The following PEBP4 variants were observed in gnomAD, a reference collection of about 807,000 sequenced individuals.
PEBP4 encodes phosphatidylethanolamine binding protein 4.
A neutral mutation model predicts 23.9 loss-of-function variants in PEBP4; 22 were observed. The ratio of observed to expected loss-of-function variants is 0.92; its 90% CI spans 0.66 to 1.31. The LOEUF (loss-of-function observed/expected upper bound fraction) is 1.31. Ranked by LOEUF, PEBP4 falls within the 40% of genes most tolerant of loss-of-function variation. The pLI, the probability that PEBP4 is intolerant of heterozygous loss-of-function variation, is 0.00. For missense variants in PEBP4, 324 were observed against 281.7 expected (o/e 1.15, Z -1.07); for synonymous variants, 112 against 99.3 (o/e 1.13, Z -0.76).
intron 4 of PEBP4, among the ~76,000 whole-genome samples, chr8:22,771,796 G>A (rs1046006434): frequency 1.3e-5 from 2 of 152,156 alleles, no homozygotes; most frequent in Non-Finnish European, 1.5e-5. Flanking sequence ...GCAATGGCCT[G>A]GCCACCCAAA....
intron 3 of PEBP4, among the ~76,000 whole-genome samples, chr8:22,844,002 C>T (rs1160782286): frequency 6.6e-6 from 1 of 152,150 alleles, no homozygotes; most frequent in Non-Finnish European, 1.5e-5. Context: ...AGCGCTGATT[C>T]AGTTGGAAAA....
intron 4 of PEBP4, among the ~76,000 whole-genome samples, chr8:22,810,899 A>AGAGC (rs1027547734): frequency 6.6e-6 from 1 of 151,538 alleles, no homozygotes; most frequent in Non-Finnish European, 1.5e-5. Flanking sequence ...AGAGAGAGAG[A>AGAGC]GAGAGAGAGA....
At chr8:22,935,326 G>C (rs1353083652) in intron 1 of PEBP4, among the ~76,000 whole-genome samples, 2 of 152,094 alleles carry the variant, frequency 1.3e-5, no homozygotes, top group Non-Finnish European at 2.9e-5. Flanking sequence ...TTCAAGACCA[G>C]CCTGGCCAAC....
At chr8:22,908,175 C>T (rs1301495076) in intron 3 of PEBP4, among the ~76,000 whole-genome samples, 3 of 151,962 alleles carry the variant, frequency 2.0e-5, no homozygotes, top group African/African-American at 7.3e-5. Context: ...ATTTGAGGGG[C>T]TTATCAGACA....
At chr8:22,811,742 G>A (rs904600920) in intron 4 of PEBP4, among the ~76,000 whole-genome samples, 6 of 152,206 alleles carry the variant, frequency 3.9e-5, no homozygotes, top group East Asian at 1.9e-4. Flanking sequence ...GCTCCAACAC[G>A]CTTTGGTTTC....
At chr8:22,899,438 C>T (rs997465725) in intron 3 of PEBP4, among the ~76,000 whole-genome samples, 5 of 152,212 alleles carry the variant, frequency 3.3e-5, no homozygotes, top group African/African-American at 1.2e-4. Flanking sequence ...ATCATTAATT[C>T]GGAAAAGCCA....
chr8:22,826,949 T>C (rs1206110837), intron 3 of PEBP4, among the ~76,000 whole-genome samples: 1 of 152,250 alleles, frequency 6.6e-6, no homozygotes, highest in African/African-American at 2.4e-5. Flanking sequence ...ATCATTATCC[T>C]GGAGACATCA....
At chr8:22,869,752 T>A (rs1455021258) in intron 3 of PEBP4, among the ~76,000 whole-genome samples, 3 of 152,186 alleles carry the variant, frequency 2.0e-5, no homozygotes, top group Non-Finnish European at 2.9e-5. Flanking sequence ...GCAAAAGATC[T>A]GAACAGACAC....
intron 6 of PEBP4, among the ~76,000 whole-genome samples, chr8:22,716,260 T>C (rs1229715331): frequency 1.3e-5 from 2 of 152,214 alleles, no homozygotes; most frequent in Non-Finnish European, 2.9e-5. Flanking sequence ...GGGGGTGCTG[T>C]TCTCATCCTG....
intron 4 of PEBP4, among the ~76,000 whole-genome samples, chr8:22,758,776 G>C (rs1303943065): frequency 6.6e-6 from 1 of 152,222 alleles, no homozygotes; most frequent in Non-Finnish European, 1.5e-5. Flanking sequence ...AGGGTCCAGG[G>C]GTGGCCCACC....
rs569349878 is a variant in PEBP4 at position 22,767,366 on chromosome 8, T to TC, written c.358-40147dup. On this transcript the variant is annotated intron_variant, in intron 4 of 6. Coordinates refer to ENST00000256404, the MANE Select transcript of PEBP4 (RefSeq NM_144962.3). ...ATAAAGTGCTGTGGTTTTTGAATAA[T>TC]CCCCCCCACCAATTTTTTGTTTGTA... 1.5e-4 allele frequency among the ~76,000 whole-genome samples: 23 copies of TC among 152,024 alleles called. No homozygotes were observed. The East Asian group carries it at 4.3e-3, about 28-fold the overall frequency.
At chr8:22,868,881 A>T (rs2128770076) in intron 3 of PEBP4, among the ~76,000 whole-genome samples, 1 of 152,300 alleles carries the variant, frequency 6.6e-6, no homozygotes, top group South Asian at 2.1e-4. Flanking sequence ...TGGTGGCCAG[A>T]GAAGTCGTGT....
chr8:22,762,755 G>T (rs1211412302), intron 4 of PEBP4, among the ~76,000 whole-genome samples: 1 of 152,144 alleles, frequency 6.6e-6, no homozygotes, highest in South Asian at 2.1e-4. Flanking sequence ...AAGAACTGTG[G>T]AGTCTTGGGG....
intron 5 of PEBP4, among the ~76,000 whole-genome samples, chr8:22,725,997 A>ATGTG (rs1198943272): frequency 2.1e-3 from 170 of 79,946 alleles, no homozygotes; most frequent in African/African-American, 5.3e-3. Context: ...CAGATCAGAT[A>ATGTG]TATGTGTGTG....
chr8:22,927,798 G>T, intron 1 of PEBP4, 25 bp downstream of exon 1: 1 of 1,575,554 alleles, frequency 6.3e-7, no homozygotes. Flanking sequence ...CCCGACCCCA[G>T]GGGCCCACTT....
intron 3 of PEBP4, among the ~76,000 whole-genome samples, chr8:22,846,057 A>C (rs1807427035): frequency 6.6e-6 from 1 of 152,206 alleles, no homozygotes; most frequent in South Asian, 2.1e-4. Flanking sequence ...TGCCAGGAGA[A>C]ATGTCCTTCT....
Position 22,816,132 on chromosome 8 carries a change from C to T in PEBP4, c.357+1505G>A, listed in dbSNP as rs545124959. Among the ~76,000 whole-genome samples the T allele has an allele frequency of 3.3e-5, 5 of 152,330 alleles. No homozygotes were observed. In the South Asian group the frequency reaches 6.2e-4, roughly 19 times the overall value. On this transcript the variant is annotated intron_variant, in intron 4 of 6. Coordinates refer to ENST00000256404, the MANE Select transcript of PEBP4 (RefSeq NM_144962.3). ...TGAGGGGGAGATGCCAGTTCTTTCT[C>T]TTTCATGCCCACTGCTCCTCTCCCC...
chr8:22,854,998 A>ACG lies in PEBP4; in HGVS notation c.259-37265_259-37264dup, dbSNP rs748855260. ...AATGAGTGTGTATGTGTGAGTATGC[A>ACG]CGCACACACACACACACACACACAC... is the stretch of plus-strand genomic sequence containing the variant. On this transcript the variant is annotated intron_variant, in intron 3 of 6. Transcript: ENST00000256404. 1.1e-3 allele frequency among the ~76,000 whole-genome samples: 60 copies of ACG among 53,722 alleles called. 1 individual carries two copies. The highest frequency in any genetic ancestry group is 2.9e-3 in the South Asian group (3 of 1,026). 35.2% of individuals were successfully genotyped at this position (53,722 alleles called of 152,430 possible). A position where few individuals can be genotyped will look rare whatever the true frequency, so the allele number is the denominator to read the frequency against.
intron 3 of PEBP4, among the ~76,000 whole-genome samples, chr8:22,826,574 G>A (rs991585514): frequency 2.6e-5 from 4 of 152,250 alleles, no homozygotes; most frequent in African/African-American, 9.6e-5. Context: ...CTTCGTAACT[G>A]TAAAAAAAAC....
Sources: gnomAD v4.1 joint callset for allele counts (sites outside exome capture counted in the v4.1 genomes callset) on GRCh38, gnomAD v4.1.1 for gene constraint, MANE v1.5 for transcripts, NCBI Gene and HGNC (gene_info 2026-07-23, HGNC 2026-07-21) for gene names.